ERICH1: variants seen among roughly 807,000 people sequenced by gnomAD.
The protein encoded by ERICH1 is glutamate rich 1.
Under a neutral mutation model 39.6 loss-of-function variants are expected in ERICH1, and 56 were observed. The ratio of observed to expected loss-of-function variants is 1.41; its 90% CI spans 1.14 to 1.77. The LOEUF (loss-of-function observed/expected upper bound fraction) is 1.77. ERICH1 is among the 40% of genes most tolerant of loss of function. The probability of loss-of-function intolerance (pLI) is 0.00; values close to 1 mark genes in which losing one functional copy is unlikely to be tolerated. For missense variants in ERICH1, 826 were observed against 575.4 expected, an observed-to-expected ratio of 1.44 and a Z score of -4.45; for synonymous variants, 313 against 223.6, an observed-to-expected ratio of 1.40 and a Z score of -3.57.
intron 3 of ERICH1, among the ~76,000 whole-genome samples, chr8:677,616 TG>T (rs1385412447): frequency 1.3e-5 from 2 of 152,204 alleles, no homozygotes; most frequent in Non-Finnish European, 2.9e-5. Context: ...CCTCTGGGTC[TG>T]CCCTGAACAC....
chr8:678,927 C>T (rs563374103), intron 3 of ERICH1, among the ~76,000 whole-genome samples: 216 of 152,228 alleles, frequency 1.4e-3, no homozygotes, highest in Admixed American at 3.4e-3. Context: ...CTCTGACGAC[C>T]GTCACAGCTC....
chr8:698,346 G>A (rs112423229), intron 2 of ERICH1, among the ~76,000 whole-genome samples: 1 of 151,810 alleles, frequency 6.6e-6, no homozygotes, highest in Non-Finnish European at 1.5e-5. Flanking sequence ...AGTCTCCCGA[G>A]TACCTGGGAC....
At chr8:703,266 C>T (rs1812559703) in intron 2 of ERICH1, among the ~76,000 whole-genome samples, 1 of 152,152 alleles carries the variant, frequency 6.6e-6, no homozygotes. Context: ...GTGCACACAC[C>T]CCATCCTCCT....
chr8:693,195 AACAC>A (rs1472460578), intron 2 of ERICH1, among the ~76,000 whole-genome samples: 1 of 152,114 alleles, frequency 6.6e-6, no homozygotes, highest in Non-Finnish European at 1.5e-5. Context: ...AGGGACAACA[AACAC>A]ACACAGACAC....
At chr8:723,409 A>G (rs1004611054) in intron 1 of ERICH1, among the ~76,000 whole-genome samples, 1 of 152,256 alleles carries the variant, frequency 6.6e-6, no homozygotes. Context: ...TTACAAACAG[A>G]AAAGTGATTA....
chr8:703,643 C>T (rs147650362), intron 2 of ERICH1, among the ~76,000 whole-genome samples: 129 of 152,238 alleles, frequency 8.5e-4, no homozygotes, highest in African/African-American at 2.3e-3. Flanking sequence ...AGAGACCCTT[C>T]TTCTCCTCCT....
At chr8:710,745 G>A (rs576141279) in intron 2 of ERICH1, among the ~76,000 whole-genome samples, 1 of 152,314 alleles carries the variant, frequency 6.6e-6, no homozygotes, top group Non-Finnish European at 1.5e-5. Flanking sequence ...CCGTTGTCTG[G>A]ATGTACCACA....
At chr8:616,288 T>A in intron 3 of ERICH1, 1 of 300,864 alleles carries the variant, frequency 3.3e-6, no homozygotes, top group Non-Finnish European at 6.7e-6. Context: ...ATTTTCACAT[T>A]TGTGTGGCAG....
At chr8:672,026 C>A (rs1351416945) in intron 4 of ERICH1, 1 of 153,228 alleles carries the variant, frequency 6.5e-6, no homozygotes, top group Admixed American at 6.5e-5. Flanking sequence ...ACACACAGGA[C>A]TTGCAGATTC....
rs1355335112 is a variant in ERICH1 at position 648,150 on chromosome 8, C to A, written c.976+20448G>T. 3.0e-5 allele frequency among the ~76,000 whole-genome samples: 2 copies of A among 67,464 alleles called. 1 individual carries two copies. The highest frequency in any genetic ancestry group is 2.5e-4 in the Admixed American group (2 of 7,984). The allele number at this position is 67,464 out of a possible 152,430, so 44.3% of individuals were successfully genotyped here. A position where few individuals can be genotyped will look rare whatever the true frequency, so the allele number is the denominator to read the frequency against. Reference sequence around the variant, plus strand: ...AGGCGAGAGGAAGCAAAAGGCACGACACTGCTCACCTGAAGGCTGCTGTGG... The same window carrying A: ...AGGCGAGAGGAAGCAAAAGGCACGAAACTGCTCACCTGAAGGCTGCTGTGG... On this transcript the variant is annotated intron_variant, in intron 3 of 3. Coordinates refer to the ERICH1 transcript ENST00000522706.
chr8:661,200 GCCC>G (rs1801380672), downstream of ERICH1, among the ~76,000 whole-genome samples: 1 of 152,140 alleles, frequency 6.6e-6, no homozygotes, highest in Non-Finnish European at 1.5e-5. Flanking sequence ...TCTCTGAAGA[GCCC>G]CGGGATGAGA....
At chr8:618,759 C>A (rs13262177) in intron 3 of ERICH1, among the ~76,000 whole-genome samples, 86,819 of 151,862 alleles carry the variant, frequency 0.57, 26,701 homozygotes, top group East Asian at 0.87. Context: ...CGTGGACTAC[C>A]CTGCTATGTG....
In ERICH1 at chr8:637,357, T is replaced by A. The variant is rs573300886; in HGVS notation, c.977-22073A>T. On this transcript the variant is annotated intron_variant, in intron 3 of 3. Coordinates refer to the ERICH1 transcript ENST00000522706. ...CAGCTGTGCCTGATTCTGCGGCTCC[T>A]GGGCTACACGTTCCTCTAGCCCCAT... 3.9e-5 allele frequency among the ~76,000 whole-genome samples: 6 copies of A among 152,360 alleles called. No individual in the cohort carries two copies. In the South Asian group the frequency reaches 6.2e-4, roughly 16 times the overall value.
chr8:692,661 C>T, intron 2 of ERICH1, 49 bp from the exon 3 acceptor site: 1 of 1,520,234 alleles, frequency 6.6e-7, no homozygotes, highest in African/African-American at 1.4e-5. Flanking sequence ...TCACAAAATG[C>T]AGTCATTTAT....
intron 2 of ERICH1, among the ~76,000 whole-genome samples, chr8:698,748 G>A (rs922927918): frequency 2.6e-5 from 4 of 152,154 alleles, no homozygotes; most frequent in Non-Finnish European, 5.9e-5. Context: ...AAAGTGCTAG[G>A]ATTACAGGCG....
chr8:697,734 G>A (rs1265186477), intron 2 of ERICH1, among the ~76,000 whole-genome samples: 1 of 149,420 alleles, frequency 6.7e-6, no homozygotes, highest in Non-Finnish European at 1.5e-5. Flanking sequence ...CCCCTCTCAA[G>A]AGGGGAGGGA....
intron 1 of ERICH1, among the ~76,000 whole-genome samples, chr8:719,937 C>T (rs956816092): frequency 6.6e-6 from 1 of 152,062 alleles, no homozygotes; most frequent in Non-Finnish European, 1.5e-5. Context: ...GCCCACCCGG[C>T]CCTCCCATGA....
intron 3 of ERICH1, among the ~76,000 whole-genome samples, chr8:642,285 G>C (rs1799082056): frequency 6.7e-6 from 1 of 150,292 alleles, no homozygotes; most frequent in South Asian, 2.1e-4. Context: ...ATTCATTTTA[G>C]CAGGGGAACT....
intron 2 of ERICH1, among the ~76,000 whole-genome samples, chr8:714,840 A>C (rs1585612015): frequency 7.4e-6 from 1 of 135,366 alleles, no homozygotes; most frequent in South Asian, 2.5e-4. Context: ...GTCTCTCAGT[A>C]GGATGTGCTG....
Sources: allele counts gnomAD v4.1 joint callset (sites outside exome capture counted in the v4.1 genomes callset), GRCh38; gene constraint gnomAD v4.1.1; transcripts MANE v1.5; gene names NCBI Gene and HGNC (gene_info 2026-07-23, HGNC 2026-07-21).